CYP4F3: variants seen among roughly 807,000 people sequenced by gnomAD.
The protein encoded by CYP4F3 is cytochrome P450 4F3.
A neutral mutation model predicts 54.8 loss-of-function variants in CYP4F3; 50 were observed. The ratio of observed to expected loss-of-function variants is 0.91; its 90% CI spans 0.73 to 1.16. The LOEUF is 1.16. CYP4F3 is among the 50% of genes most tolerant of loss of function. The pLI, the probability that CYP4F3 is intolerant of heterozygous loss-of-function variation, is 0.00. For synonymous variants in CYP4F3, 244 were observed against 262.6 expected (o/e 0.93, Z 0.69); for missense variants, 715 against 676.2 (o/e 1.06, Z -0.64).
intron 2 of CYP4F3, among the ~76,000 whole-genome samples, chr19:15,643,402 G>GA (rs1972527540): frequency 1.4e-5 from 2 of 143,310 alleles, no homozygotes; most frequent in African/African-American, 5.2e-5. Flanking sequence ...ATATATATAG[G>GA]TAAATAGATA....
rs780899134 is a variant in CYP4F3 at position 15,652,593 on chromosome 19, G to A, written c.943G>A (p.Asp315Asn). Residue 315 changes from aspartate to asparagine, a missense_variant, in exon 8 of 13, where the codon GAT becomes AAT. Physicochemically the swap from Asp to Asn is conservative, Grantham distance 23. Coordinates refer to ENST00000221307, the MANE Select transcript of CYP4F3 (RefSeq NM_000896.3). ...GGATGAAGATGGGAAGAAGTTGTCCGATGAGGACATAAGAGCAGAAGCTGA... is the reference window on the plus strand; with the variant it reads ...GGATGAAGATGGGAAGAAGTTGTCCAATGAGGACATAAGAGCAGAAGCTGA... ...SKDEDGKKLSDEDIRAEADTF... is the reference protein window; with the variant it reads ...SKDEDGKKLSNEDIRAEADTF... 16 of 1,614,154 alleles carry A rather than the reference G, an allele frequency of 9.9e-6. No homozygotes were observed. In the East Asian group the frequency reaches 1.1e-4, roughly 11 times the overall value.
intron 12 of CYP4F3, 130 bp from the exon 13 acceptor site, chr19:15,659,090 C>G (rs1973118394): frequency 7.4e-7 from 1 of 1,342,558 alleles, no homozygotes; most frequent in African/African-American, 1.5e-5. Flanking sequence ...GGGATCCAGG[C>G]ACGGATACCC....
At chr19:15,646,310 C>G (rs541250448) in intron 3 of CYP4F3, among the ~76,000 whole-genome samples, 1 of 152,248 alleles carries the variant, frequency 6.6e-6, no homozygotes, top group South Asian at 2.1e-4. Flanking sequence ...TTTTCTCCTG[C>G]TGGTCACATC....
At chr19:15,656,098 T>C (rs944252996) in intron 9 of CYP4F3, among the ~76,000 whole-genome samples, 1 of 151,870 alleles carries the variant, frequency 6.6e-6, no homozygotes, top group Non-Finnish European at 1.5e-5. Flanking sequence ...TGGCCTCTGG[T>C]AACCACCATT....
At chr19:15,650,684 C>CTTTCTTTCTTT (rs1972780562) in intron 7 of CYP4F3, among the ~76,000 whole-genome samples, 15 of 70,068 alleles carry the variant, frequency 2.1e-4, no homozygotes, top group African/African-American at 8.4e-4. Context: ...TTCTTTCTTT[C>CTTTCTTTCTTT]TTTCTTTCTT....
chr19:15,653,759 A>AG (rs1568400667), intron 9 of CYP4F3, among the ~76,000 whole-genome samples: 1 of 124,714 alleles, frequency 8.0e-6, no homozygotes, highest in Admixed American at 8.1e-5. Flanking sequence ...AGAGAGAGAG[A>AG]GAGAGAGAGA....
intron 5 of CYP4F3, 90 bp from the exon 6 acceptor site, chr19:15,649,070 A>G: frequency 6.3e-7 from 1 of 1,575,366 alleles, no homozygotes; most frequent in Non-Finnish European, 8.6e-7. Context: ...GAAGAGGCTT[A>G]TTCTGGGGCG....
At position 15,662,758 on chromosome 19, in the gene CYP4F3, G is replaced by C. The variant is rs575376503; in HGVS notation, c.*3373G>C. On this transcript the variant is annotated 3_prime_UTR_variant, in exon 13 of 13. Coordinates refer to ENST00000221307, the MANE Select transcript of CYP4F3 (RefSeq NM_000896.3). Reference sequence around the variant, plus strand: ...ACCATGACAGTCTTGCACATATTTTGTTAAATGTACAGCTGAGAATTTAAT... The same window carrying C: ...ACCATGACAGTCTTGCACATATTTTCTTAAATGTACAGCTGAGAATTTAAT... The C allele has an allele frequency of 1.3e-5, 2 of 152,218 alleles. No homozygotes were observed. Among genetic ancestry groups the C allele is most frequent in the South Asian group, 2.1e-4 (1 of 4,828 alleles). The allele number at this position is 152,218 out of a possible 1,614,324, so 9.4% of individuals were successfully genotyped here.
chr19:15,643,433 G>T (rs551641613), intron 2 of CYP4F3, among the ~76,000 whole-genome samples: 56 of 152,112 alleles, frequency 3.7e-4, no homozygotes, highest in Middle Eastern at 3.4e-3. Flanking sequence ...TAGATAGATA[G>T]ATAGATAGAT....
chr19:15,653,931 A>G (rs1228176530), intron 9 of CYP4F3, among the ~76,000 whole-genome samples: 17 of 141,190 alleles, frequency 1.2e-4, no homozygotes, highest in Non-Finnish European at 9.2e-5. Flanking sequence ...CCCAAGGGCA[A>G]TAGGGAGCCA....
intron 9 of CYP4F3, among the ~76,000 whole-genome samples, chr19:15,657,363 C>G (rs28738971): frequency 6.6e-6 from 1 of 152,046 alleles, no homozygotes; most frequent in African/African-American, 2.4e-5. Flanking sequence ...ATGGTGTGAT[C>G]TCAGCTTACT....
rs768484863 is a variant in CYP4F3, at chr19:15,641,550, C to T, written c.135C>T (p.Cys45=). ...LAWTYTFYDN[C]CRLRCFPQPP... Reference sequence around the variant, plus strand: ...GGACCTATACCTTCTATGACAACTGCTGCCGCCTCCGGTGTTTCCCGCAAC... The same window carrying T: ...GGACCTATACCTTCTATGACAACTGTTGCCGCCTCCGGTGTTTCCCGCAAC... Residue 45 remains cysteine, a synonymous_variant, in exon 2 of 13, where the codon TGC becomes TGT. Coordinates refer to ENST00000221307, the MANE Select transcript of CYP4F3 (RefSeq NM_000896.3). The T allele has an allele frequency of 6.2e-7, 1 of 1,614,038 alleles. No individual in the cohort carries two copies. Among genetic ancestry groups the T allele is most frequent in the African/African-American group, 1.3e-5 (1 of 74,906 alleles).
Position 15,647,294 on chromosome 19 carries a change from G to C in CYP4F3, c.495G>C (p.Lys165Asn). The C allele has an allele frequency of 6.2e-7, 1 of 1,614,232 alleles. No individual in the cohort carries two copies. The highest frequency in any genetic ancestry group is 8.5e-7 in the Non-Finnish European group (1 of 1,180,050). ...FHFNILKPYM[K>N]IFNESVNIMH... is the part of the protein sequence containing the mutation. ...TCAACATCCTGAAGCCCTATATGAA[G>C]ATTTTCAATGAGAGTGTGAACATCA... The change falls in exon 5 of 13, where the codon AAG becomes AAC. Residue 165 changes from lysine to asparagine, a missense_variant. Physicochemically the swap from Lys to Asn is moderately conservative, Grantham distance 94. Coordinates refer to ENST00000221307, the MANE Select transcript of CYP4F3 (RefSeq NM_000896.3).
intron 2 of CYP4F3, chr19:15,643,836 C>A: frequency 7.1e-7 from 1 of 1,416,040 alleles, no homozygotes; most frequent in Non-Finnish European, 9.2e-7. Context: ...ATCTGGGCAT[C>A]CTTTAGCCCA....
Position 15,658,379 on chromosome 19 carries a change from G to A in CYP4F3, c.1231G>A (p.Gly411Ser), listed in dbSNP as rs1973087088. 6.2e-7 allele frequency: 1 copy of A among 1,614,014 alleles called. No homozygotes were observed. The highest frequency in any genetic ancestry group is 1.1e-5 in the South Asian group (1 of 91,078). Residue 411 changes from glycine (G) to serine (S), a missense_variant, in exon 10 of 13, where the codon GGC becomes AGC. Coordinates refer to ENST00000221307, the MANE Select transcript of CYP4F3 (RefSeq NM_000896.3). ...CACCCAAGACATTGTGCTCCCAGACGGCCGGGTCATCCCCAAAGGTGCCAC... is the reference window on the plus strand; with the variant it reads ...CACCCAAGACATTGTGCTCCCAGACAGCCGGGTCATCCCCAAAGGTGCCAC... ...CCTQDIVLPD[G>S]RVIPKGIICL...
intron 3 of CYP4F3, 73 bp downstream of exon 3, chr19:15,645,936 C>T (rs1972613076): frequency 6.8e-7 from 1 of 1,479,926 alleles, no homozygotes. Context: ...GGTCTCTGTG[C>T]TGCCTCCAGC....
In CYP4F3 at chr19:15,641,491, G is replaced by A. The variant is rs1248837347; in HGVS notation, c.76G>A (p.Gly26Arg). ...CCCGTGGCTGCTCCTGCTGCTGGTTGGGGCCTCCTGGCTCCTGGCCCGCAT... is the reference window on the plus strand; with the variant it reads ...CCCGTGGCTGCTCCTGCTGCTGGTTAGGGCCTCCTGGCTCCTGGCCCGCAT... ...ASPWLLLLLV[G>R]ASWLLARILA... Residue 26 changes from glycine (G) to arginine (R), a missense_variant, in exon 2 of 13, where the codon GGG becomes AGG. Physicochemically the swap from Gly to Arg is moderately radical, Grantham distance 125. Transcript: ENST00000221307. 6.2e-7 allele frequency: 1 copy of A among 1,614,202 alleles called. No homozygotes were observed. Among genetic ancestry groups the A allele is most frequent in the Non-Finnish European group, 8.5e-7 (1 of 1,180,044 alleles).
At chr19:15,652,760 T>A in intron 8 of CYP4F3, 63 bp from the exon 9 acceptor site, 1 of 1,601,790 alleles carries the variant, frequency 6.2e-7, no homozygotes, top group Non-Finnish European at 8.5e-7. Flanking sequence ...CAATGCAAGG[T>A]TGCTGTACAC....
rs779999359 is a variant in CYP4F3, at chr19:15,658,407, C to T, written c.1249+10C>T. The T allele has an allele frequency of 1.2e-6, 2 of 1,613,758 alleles. No homozygotes were observed. The highest frequency in any genetic ancestry group is 1.7e-6 in the Non-Finnish European group (2 of 1,179,768). ...CGGGTCATCCCCAAAGGTGCCACAG[C>T]CTCAGGGGGAGGAGCCTCCTGGGTA... On this transcript the variant is annotated intron_variant, in intron 10 of 12. Coordinates refer to ENST00000221307, the MANE Select transcript of CYP4F3 (RefSeq NM_000896.3).
Sources: gnomAD v4.1 joint callset for allele counts (sites outside exome capture counted in the v4.1 genomes callset) on GRCh38, gnomAD v4.1.1 for gene constraint, MANE v1.5 for transcripts, NCBI Gene and HGNC (gene_info 2026-07-23, HGNC 2026-07-21) for gene names.